The following PRKCQ variants were observed in gnomAD, a reference collection of about 807,000 sequenced individuals.
PRKCQ encodes the protein protein kinase C theta.
Under a neutral mutation model 91.2 loss-of-function variants are expected in PRKCQ, and 41 were observed. That is an observed-to-expected ratio of 0.45 (90% CI 0.35 to 0.58). The LOEUF (loss-of-function observed/expected upper bound fraction) is 0.58. PRKCQ is among the 20% of genes least tolerant of loss of function. The pLI is 0.00. For synonymous variants in PRKCQ, 307 were observed against 316.9 expected (o/e 0.97, Z 0.33); for missense variants, 673 against 896.5 (o/e 0.75, Z 3.18).
intron 4 of PRKCQ, among the ~76,000 whole-genome samples, chr10:6,500,432 T>C (rs1203259644): frequency 1.3e-5 from 2 of 151,270 alleles, no homozygotes; most frequent in East Asian, 1.9e-4. Flanking sequence ...TTTATATACA[T>C]ATATGTCTAC....
intron 11 of PRKCQ, among the ~76,000 whole-genome samples, chr10:6,481,709 C>A (rs1173351405): frequency 2.0e-5 from 3 of 152,168 alleles, no homozygotes; most frequent in Non-Finnish European, 4.4e-5. Context: ...CTGGGTAAGA[C>A]ATCCTGCCAA....
intron 1 of PRKCQ, among the ~76,000 whole-genome samples, chr10:6,517,474 A>G (rs1838811961): frequency 6.6e-6 from 1 of 151,290 alleles, no homozygotes; most frequent in South Asian, 2.1e-4. Flanking sequence ...TCATTCTTGC[A>G]TGACATCCTA....
intron 1 of PRKCQ, among the ~76,000 whole-genome samples, chr10:6,544,724 G>A (rs2130922633): frequency 6.6e-6 from 1 of 151,738 alleles, no homozygotes; most frequent in South Asian, 2.1e-4. Flanking sequence ...GGGTTTAAGA[G>A]ATTCTCCTGC....
intron 14 of PRKCQ, 117 bp from the exon 15 acceptor site, chr10:6,456,929 C>G (rs760883710): frequency 6.9e-5 from 72 of 1,049,372 alleles, no homozygotes; most frequent in Non-Finnish European, 9.3e-5. Context: ...TCACGAGAGG[C>G]GCTTATGTAT....
At chr10:6,452,470 T>G (rs1834747969) in intron 15 of PRKCQ, among the ~76,000 whole-genome samples, 1 of 151,836 alleles carries the variant, frequency 6.6e-6, no homozygotes, top group Non-Finnish European at 1.5e-5. Flanking sequence ...GTAGGAAGAA[T>G]CAATATCGTG....
At chr10:6,471,351 C>T (rs1490280182) in intron 12 of PRKCQ, among the ~76,000 whole-genome samples, 3 of 152,186 alleles carry the variant, frequency 2.0e-5, no homozygotes, top group African/African-American at 7.2e-5. Flanking sequence ...CTTTCTGGGT[C>T]ACGTAAGCTG....
chr10:6,489,479 G>A (rs746242666), intron 8 of PRKCQ: 1 of 529,632 alleles, frequency 1.9e-6, no homozygotes, highest in African/African-American at 1.9e-5. Context: ...TGGGGAGAAA[G>A]AGAAGGCAGG....
intron 1 of PRKCQ, among the ~76,000 whole-genome samples, chr10:6,553,452 TGCACTCCAGCCTG>T (rs1840266897): frequency 7.1e-6 from 1 of 140,800 alleles, no homozygotes; most frequent in African/African-American, 2.8e-5. Flanking sequence ...ATAGTGCCAC[TGCACTCCAGCCTG>T]GGTGACAGAG....
intron 16 of PRKCQ, among the ~76,000 whole-genome samples, chr10:6,431,216 A>T (rs988943111): frequency 5.3e-5 from 8 of 152,194 alleles, no homozygotes; most frequent in African/African-American, 1.7e-4. Flanking sequence ...GCAACTGACA[A>T]ACCTGAGTCA....
rs1312588085 is a variant in PRKCQ, at chr10:6,497,151, A to G, written c.575-31T>C. 6.2e-7 allele frequency: 1 copy of G among 1,613,798 alleles called. No homozygotes were observed. The highest frequency in any genetic ancestry group is 1.3e-5 in the African/African-American group (1 of 74,898). ...AAGAAGAAAAAAATCACAGCTTAAG[A>G]TTTTCATAGCCTAAGGAATAACTAA... On this transcript the variant is annotated intron_variant, in intron 6 of 17. Transcript: ENST00000263125. The surrounding 1 kb of genome is among the most constrained non-coding windows in gnomAD (Gnocchi z 4.5).
Position 6,430,817 on chromosome 10 carries a change from G to A in PRKCQ, c.1958C>T (p.Pro653Leu). ...CCATGAGCGAGTCCTTACCACTTTCGGCCGGAACGGTGGGTCAATCTCCTT... is the reference window on the plus strand; with the variant it reads ...CCATGAGCGAGTCCTTACCACTTTCAGCCGGAACGGTGGGTCAATCTCCTT... The part of the protein sequence containing the change: ...ERKEIDPPFR[P>L]KVKSPFDCSN... Residue 653 changes from proline (P) to leucine (L), a missense_variant, in exon 17 of 18, where the codon CCG (proline) becomes CTG (leucine). Coordinates refer to ENST00000263125, the MANE Select transcript of PRKCQ (RefSeq NM_006257.5). This position sits in a 1 kb window ranked among gnomAD's most constrained non-coding sequence, Gnocchi z 4.7. 3.1e-6 allele frequency: 5 copies of A among 1,613,886 alleles called. No individual in the cohort carries two copies. The highest frequency in any genetic ancestry group is 4.2e-6 in the Non-Finnish European group (5 of 1,179,874).
rs1290709961 is a variant in PRKCQ, at chr10:6,524,814, C to T, written c.-9-9670G>A. 6.6e-5 allele frequency among the ~76,000 whole-genome samples: 10 copies of T among 152,296 alleles called. No individual in the cohort carries two copies. In the South Asian group the frequency reaches 1.7e-3, roughly 25 times the overall value. On this transcript the variant is annotated intron_variant, in intron 1 of 17. Coordinates refer to ENST00000263125, the MANE Select transcript of PRKCQ (RefSeq NM_006257.5). ...GTGAGTCTCACCAAGTCTGGATCCTCGGGCCCCAGCTGGCCCACCTCCCTC... is the reference window on the plus strand; with the variant it reads ...GTGAGTCTCACCAAGTCTGGATCCTTGGGCCCCAGCTGGCCCACCTCCCTC...
At chr10:6,574,720 G>A (rs1353741341) in intron 1 of PRKCQ, among the ~76,000 whole-genome samples, 1 of 152,198 alleles carries the variant, frequency 6.6e-6, no homozygotes, top group Non-Finnish European at 1.5e-5. Flanking sequence ...GGGAGCAGAG[G>A]TTTAAATGGA....
chr10:6,416,678 G>A, the PRKCQ span, among the ~76,000 whole-genome samples: 1 of 152,176 alleles, frequency 6.6e-6, no homozygotes, highest in African/African-American at 2.4e-5. Context: ...AAGCATACAT[G>A]TGCAAATGTC....
chr10:6,492,028 G>A (rs1307985232), intron 7 of PRKCQ, among the ~76,000 whole-genome samples: 1 of 152,192 alleles, frequency 6.6e-6, no homozygotes, highest in African/African-American at 2.4e-5. Flanking sequence ...CTTGCCTTCT[G>A]CATGTAGCAA....
intron 1 of PRKCQ, among the ~76,000 whole-genome samples, chr10:6,553,526 C>G (rs575734311): frequency 1.1e-5 from 1 of 87,172 alleles, no homozygotes; most frequent in African/African-American, 4.1e-5. Flanking sequence ...AACAAACAAA[C>G]AAAAGAAGAA....
At chr10:6,540,081 T>C (rs1383483818) in intron 1 of PRKCQ, among the ~76,000 whole-genome samples, 1 of 152,186 alleles carries the variant, frequency 6.6e-6, no homozygotes, top group Non-Finnish European at 1.5e-5. Flanking sequence ...ACTAAATTCC[T>C]TTAGTTATCT....
At chr10:6,439,992 C>T (rs661803) in intron 16 of PRKCQ, among the ~76,000 whole-genome samples, 50,201 of 151,838 alleles carry the variant, frequency 0.33, 8,626 homozygotes, top group East Asian at 0.49. Context: ...GGGAGGGACT[C>T]GATGGGAGGT....
chr10:6,566,048 CAT>C (rs1840824902), intron 1 of PRKCQ, among the ~76,000 whole-genome samples: 1 of 152,196 alleles, frequency 6.6e-6, no homozygotes, highest in Non-Finnish European at 1.5e-5. Flanking sequence ...ATTCCAGAAA[CAT>C]AGCCCACTGA....
Sources: allele counts gnomAD v4.1 joint callset (sites outside exome capture counted in the v4.1 genomes callset), GRCh38; gene constraint gnomAD v4.1.1; non-coding constraint Gnocchi (gnomAD v3.1); transcripts MANE v1.5; gene names NCBI Gene and HGNC (gene_info 2026-07-23, HGNC 2026-07-21).